Variants in ATP8B1 observed in about 807,000 individuals in gnomAD.
The protein encoded by ATP8B1 is ATPase phospholipid transporting 8B1.
ATP8B1 carries 80 observed loss-of-function variants against 149.9 expected under a neutral mutation model. The observed-to-expected ratio is 0.53, with a 90% confidence interval of 0.45 to 0.64. The LOEUF is 0.64. Among genes scored for constraint, ATP8B1 ranks in the 30% least tolerant of loss-of-function variants. The pLI is 0.00. For synonymous variants in ATP8B1, 536 were observed against 562.8 expected (o/e 0.95, Z 0.67); for missense variants, 1,247 against 1,552.6 (o/e 0.80, Z 3.31).
intron 3 of ATP8B1, 25 bp from the exon 4 acceptor site, chr18:57,704,693 C>A (rs770761648): frequency 7.1e-7 from 1 of 1,404,542 alleles, no homozygotes; most frequent in Non-Finnish European, 1.0e-6. Context: ...AAGAGTCATT[C>A]TAAATGATGC....
At chr18:57,713,882 C>T (rs1913870461) in intron 2 of ATP8B1, among the ~76,000 whole-genome samples, 1 of 152,122 alleles carries the variant, frequency 6.6e-6, no homozygotes, top group South Asian at 2.1e-4. Context: ...CCGCCTCAGC[C>T]TCCCAAAGTG....
rs200856790 is a variant in ATP8B1, at chr18:57,697,646, A to C, written c.670T>G (p.Cys224Gly). The C allele has an allele frequency of 6.2e-7, 1 of 1,614,094 alleles. No individual in the cohort carries two copies. The highest frequency in any genetic ancestry group is 2.2e-5 in the East Asian group (1 of 44,874). ...TCCAGTTCTGCTGTTTCCACATAGCAGAGGCTGTTAGGCTCAGAGCTAGAC... is the reference window on the plus strand; with the variant it reads ...TCCAGTTCTGCTGTTTCCACATAGCCGAGGCTGTTAGGCTCAGAGCTAGAC... ...LLSSSEPNSL[C>G]YVETAELDGE... The change falls in exon 8 of 28, where the codon TGC becomes GGC. Residue 224 changes from cysteine (C) to glycine (G), a missense_variant. Physicochemically the swap from Cys to Gly is radical, Grantham distance 159. This residue lies in a region of ATP8B1 where 853 missense variants were observed against 1,035.7 expected (regional missense o/e 0.82). Transcript: ENST00000648908.
Position 57,650,465 on chromosome 18 carries a change from T to C in ATP8B1, c.3433A>G (p.Ile1145Val), listed in dbSNP as rs1453049562. ...TASNALRQPYIWLTIILAVAV... is the reference protein window; with the variant it reads ...TASNALRQPYVWLTIILAVAV... ...ACAGCCAGGATGATAGTTAACCAAA[T>C]GTATGGCTGTCTCAGAGCGTTTGAA... is the stretch of plus-strand genomic sequence containing the variant. The change falls in exon 27 of 28, where the codon ATT (isoleucine) becomes GTT (valine). Residue 1145 changes from isoleucine (I) to valine (V), a missense_variant. By Grantham distance (29) the Ile-to-Val change is conservative. Around this residue, in one of 3 missense-constraint regions of ATP8B1, gnomAD observed 164 missense variants for 160.3 expected, o/e 1.02. Transcript: ENST00000648908. The C allele has an allele frequency of 6.2e-7, 1 of 1,613,758 alleles. No homozygotes were observed.
At position 57,667,078 on chromosome 18, in the gene ATP8B1, A is replaced by C. The variant is rs756791472; in HGVS notation, c.2285+14T>G. The C allele has an allele frequency of 6.3e-7, 1 of 1,596,772 alleles. No homozygotes were observed. ...GAGCTATTACGTAATTTCATACTGCAGGCTTTTACTCACTTAATATCCTCC... is the reference window on the plus strand; with the variant it reads ...GAGCTATTACGTAATTTCATACTGCCGGCTTTTACTCACTTAATATCCTCC... On this transcript the variant is annotated intron_variant, in intron 20 of 27. Transcript: ENST00000648908.
chr18:57,668,724 C>T (rs1911050611), intron 18 of ATP8B1, 184 bp from the exon 19 acceptor site: 1 of 557,504 alleles, frequency 1.8e-6, no homozygotes, highest in Non-Finnish European at 3.1e-6. Context: ...TGCAAACCAA[C>T]ACACCTAAAA....
chr18:57,738,033 T>C (rs1253075301), intron 1 of ATP8B1: 2 of 152,214 alleles, frequency 1.3e-5, no homozygotes, highest in African/African-American at 4.8e-5. Context: ...GGCTCTGTCA[T>C]TTTAGTGTAC....
rs970621320 is a variant in ATP8B1 at position 57,803,085 on chromosome 18, G to C, written c.-113C>G. 2.6e-5 allele frequency: 4 copies of C among 151,608 alleles called. No individual in the cohort carries two copies. Among genetic ancestry groups the C allele is most frequent in the African/African-American group, 9.7e-5 (4 of 41,374 alleles). The allele number at this position is 151,608 out of a possible 1,614,324, so 9.4% of individuals were successfully genotyped here. ...GCGCACCTGGCCGCTGCCGCCGCCC[G>C]CCCGGCCCCAGCCCTGGCCGCCGCG... On this transcript the variant is annotated 5_prime_UTR_variant, in exon 1 of 28. Coordinates refer to ENST00000648908, the MANE Select transcript of ATP8B1 (RefSeq NM_001374385.1).
chr18:57,662,740 T>C (rs1910554144), intron 20 of ATP8B1, 125 bp from the exon 21 acceptor site: 2 of 1,083,824 alleles, frequency 1.8e-6, no homozygotes, highest in Non-Finnish European at 2.7e-6. Flanking sequence ...CCTATTTTTG[T>C]TTCTTTATTT....
intron 1 of ATP8B1, among the ~76,000 whole-genome samples, chr18:57,756,649 T>A (rs2123300369): frequency 1.2e-5 from 1 of 80,120 alleles, no homozygotes; most frequent in African/African-American, 4.1e-5. Flanking sequence ...GAATATGGTA[T>A]TCCTTCTCTC....
intron 1 of ATP8B1, among the ~76,000 whole-genome samples, chr18:57,757,731 A>G (rs749493500): frequency 1.3e-5 from 2 of 152,166 alleles, no homozygotes; most frequent in African/African-American, 4.8e-5. Flanking sequence ...GCTAAAATAC[A>G]TCTAAAACTG....
rs1483324022 is a variant in ATP8B1, at chr18:57,784,372, T to G, written c.-26+18626A>C. Among the ~76,000 whole-genome samples, 2 of 152,054 alleles carry G rather than the reference T, an allele frequency of 1.3e-5. No individual in the cohort carries two copies. The highest frequency in any genetic ancestry group is 2.4e-5 in the African/African-American group (1 of 41,400). ...GGGCAGGGTAGAAGTGTAGCCCTCA[T>G]GTAAGAAGGCTACTGGAATGGTCCA... On this transcript the variant is annotated intron_variant, in intron 1 of 27. Transcript: ENST00000648908. The surrounding 1 kb of genome is among the most constrained non-coding windows in gnomAD (Gnocchi z 4.4).
At chr18:57,668,257 C>T in intron 19 of ATP8B1, 172 bp downstream of exon 19, 2 of 1,389,174 alleles carry the variant, frequency 1.4e-6, no homozygotes, top group Non-Finnish European at 1.9e-6. Flanking sequence ...GGAAAGGATG[C>T]AGAAGAATGT....
At chr18:57,773,325 G>A (rs2080280366) in intron 1 of ATP8B1, among the ~76,000 whole-genome samples, 1 of 152,124 alleles carries the variant, frequency 6.6e-6, no homozygotes, top group South Asian at 2.1e-4. Flanking sequence ...TGGCAACAGG[G>A]GCCAAAGGCG....
chr18:57,733,722 A>G (rs943530759), intron 1 of ATP8B1, among the ~76,000 whole-genome samples: 1 of 151,772 alleles, frequency 6.6e-6, no homozygotes, highest in African/African-American at 2.4e-5. Flanking sequence ...AAAAAAAAAA[A>G]AAAAAAATGT....
chr18:57,732,227 ATATATGTGTATATATATGTATATATG>A (rs1160358889), intron 1 of ATP8B1, among the ~76,000 whole-genome samples: 25,418 of 41,210 alleles, frequency 0.62, 6,952 homozygotes, highest in Non-Finnish European at 0.68. Flanking sequence ...GTATATATGT[ATATATGTGTATATATATGTATATATG>A]TATATATGTG....
chr18:57,728,563 T>C (rs1446844160), intron 2 of ATP8B1, among the ~76,000 whole-genome samples: 1 of 152,024 alleles, frequency 6.6e-6, no homozygotes, highest in Non-Finnish European at 1.5e-5. Context: ...ACATCATCTG[T>C]GTGCTTGGGA....
intron 8 of ATP8B1, among the ~76,000 whole-genome samples, chr18:57,696,065 G>A (rs1912790786): frequency 6.6e-6 from 1 of 152,166 alleles, no homozygotes; most frequent in East Asian, 1.9e-4. Context: ...ACAAGGGCAG[G>A]CCGGGGCAGG....
chr18:57,786,110 T>C (rs2080406141), intron 1 of ATP8B1, among the ~76,000 whole-genome samples: 1 of 152,248 alleles, frequency 6.6e-6, no homozygotes, highest in East Asian at 1.9e-4. Context: ...ATAGAACAGG[T>C]GCTACAATTT....
chr18:57,662,333 T>C (rs375474304), intron 21 of ATP8B1, 150 bp downstream of exon 21: 152 of 845,068 alleles, frequency 1.8e-4, no homozygotes, highest in African/African-American at 1.6e-3. Context: ...TATCATATAT[T>C]ATTAAGTCTC....
Sources: gnomAD v4.1 joint callset for allele counts (sites outside exome capture counted in the v4.1 genomes callset) on GRCh38, gnomAD v4.1.1 for gene constraint, gnomAD v4.1.1 regional missense constraint, Gnocchi (gnomAD v3.1) non-coding constraint, MANE v1.5 for transcripts, NCBI Gene and HGNC (gene_info 2026-07-23, HGNC 2026-07-21) for gene names.